The following TLCD3A variants were observed in gnomAD, a reference collection of about 807,000 sequenced individuals.
The protein encoded by TLCD3A is TLC domain-containing protein 3A.
Under a neutral mutation model 29.9 loss-of-function variants are expected in TLCD3A, and 17 were observed. That is an observed-to-expected ratio of 0.57 (90% CI 0.39 to 0.85). The LOEUF is 0.85. TLCD3A is among the 40% of genes least tolerant of loss of function. The pLI is 0.00. For synonymous variants in TLCD3A, 143 were observed against 147.7 expected (o/e 0.97, Z 0.23); for missense variants, 332 against 350.8 (o/e 0.95, Z 0.43).
rs1331726471 is a variant in TLCD3A at position 741,401 on chromosome 17, C to T, written c.605C>T (p.Ser202Phe). 6 of 1,614,232 alleles carry T rather than the reference C, an allele frequency of 3.7e-6. No individual in the cohort carries two copies. The South Asian group carries it at 4.4e-5, about 12-fold the overall frequency. The change falls in exon 5 of 5, where the codon TCC (serine) becomes TTC (phenylalanine). Residue 202 changes from serine (S) to phenylalanine (F), a missense_variant. Ser to Phe is a radical substitution (Grantham distance 155). Coordinates refer to ENST00000308278, the MANE Select transcript of TLCD3A (RefSeq NM_024792.3). ...CTTCTCTTCCCCTTCATGTACTGGT[C>T]CTATGGCCGCCAGCAGGGACTAAGC... ...RILLFPFMYW[S>F]YGRQQGLSLL...
rs150045731 is a variant in TLCD3A, at chr17:736,869, G to A, written c.207-977G>A. ...CGGGGTTTCACAATGTTGATAAGGC[G>A]AGTATCGAACTGCTGACCTTGTGAT... is the stretch of plus-strand genomic sequence containing the variant. On this transcript the variant is annotated intron_variant, in intron 2 of 4. Transcript: ENST00000308278. Among the ~76,000 whole-genome samples, 741 of 151,808 alleles carry A rather than the reference G, an allele frequency of 4.9e-3. 2 individuals are homozygous for A. The highest frequency in any genetic ancestry group is 6.8e-3 in the Non-Finnish European group (460 of 67,944).
intron 3 of TLCD3A, 74 bp from the exon 4 acceptor site, chr17:740,431 G>T: frequency 1.8e-6 from 2 of 1,083,750 alleles, no homozygotes; most frequent in South Asian, 2.5e-5. Flanking sequence ...CTTTTCAGTA[G>T]CCCTCGTTGG....
At chr17:740,633 G>A (rs1186416365) in intron 4 of TLCD3A, 33 bp downstream of exon 4, 2 of 1,586,816 alleles carry the variant, frequency 1.3e-6, no homozygotes, top group South Asian at 1.1e-5. Flanking sequence ...AGAGTGTGAG[G>A]GTTCTGATTC....
At chr17:732,938 G>A (rs1456528447) in intron 1 of TLCD3A, 160 bp from the exon 2 acceptor site, 25 of 1,387,852 alleles carry the variant, frequency 1.8e-5, no homozygotes, top group Middle Eastern at 2.5e-4. Flanking sequence ...TCCCCTGGCG[G>A]GAGCGGGGCC....
At chr17:735,878 G>A (rs776407645) in intron 2 of TLCD3A, among the ~76,000 whole-genome samples, 5 of 151,498 alleles carry the variant, frequency 3.3e-5, no homozygotes, top group African/African-American at 7.3e-5. Flanking sequence ...GGGAGGCTGC[G>A]GCAGGAGAAT....
intron 2 of TLCD3A, 86 bp from the exon 3 acceptor site, chr17:737,760 A>T: frequency 8.4e-7 from 1 of 1,187,672 alleles, no homozygotes. Flanking sequence ...GAATAATAAT[A>T]GCTGATCAAG....
intron 2 of TLCD3A, among the ~76,000 whole-genome samples, chr17:735,835 C>T (rs1339815738): frequency 6.6e-6 from 1 of 151,596 alleles, no homozygotes; most frequent in African/African-American, 2.4e-5. Flanking sequence ...AATAGCCGGA[C>T]GTGGCGGCAG....
chr17:742,612 G>T lies in TLCD3A; in HGVS notation c.*1042G>T, dbSNP rs967114298. 1.3e-5 allele frequency: 2 copies of T among 152,378 alleles called. No homozygotes were observed. Among genetic ancestry groups the T allele is most frequent in the African/African-American group, 4.8e-5 (2 of 41,460 alleles). 9.4% of individuals were successfully genotyped at this position (152,378 alleles called of 1,614,324 possible). On this transcript the variant is annotated 3_prime_UTR_variant, in exon 5 of 5. Transcript: ENST00000308278. The stretch of plus-strand genomic sequence containing the variant: ...TGCCATTTAGCCACAGAAGGCTGCG[G>T]AGTGAGGCGGCAGCTAGCCTGGCCA...
chr17:734,769 T>G (rs1233363945), intron 2 of TLCD3A, among the ~76,000 whole-genome samples: 1 of 152,196 alleles, frequency 6.6e-6, no homozygotes, highest in Non-Finnish European at 1.5e-5. Flanking sequence ...AAGGATTTAG[T>G]CAGATTCTTA....
chr17:736,916 A>T (rs1364589397), intron 2 of TLCD3A, among the ~76,000 whole-genome samples: 3 of 152,036 alleles, frequency 2.0e-5, no homozygotes, highest in African/African-American at 7.2e-5. Flanking sequence ...GGCCTCCCAA[A>T]GTGCTGGGAT....
In TLCD3A at chr17:741,640, G is replaced by C; in HGVS notation, c.*70G>C. The C allele has an allele frequency of 6.4e-7, 1 of 1,560,828 alleles. No individual in the cohort carries two copies. The highest frequency in any genetic ancestry group is 1.3e-5 in the African/African-American group (1 of 74,080). On this transcript the variant is annotated 3_prime_UTR_variant, in exon 5 of 5. Transcript: ENST00000308278. ...CACTCAGCATTCCATGGACCAAATT[G>C]TGCCCTGGGTAGCCTCAGACTTTGG...
At chr17:736,665 G>A (rs1252828960) in intron 2 of TLCD3A, among the ~76,000 whole-genome samples, 1 of 152,094 alleles carries the variant, frequency 6.6e-6, no homozygotes, top group African/African-American at 2.4e-5. Flanking sequence ...TGTGTTTTGT[G>A]TGTTTTTTGA....
At chr17:734,054 T>G (rs1429681490) in intron 2 of TLCD3A, among the ~76,000 whole-genome samples, 2 of 152,222 alleles carry the variant, frequency 1.3e-5, no homozygotes, top group South Asian at 4.1e-4. Flanking sequence ...TTTGTGCTTT[T>G]CTTCTGCCTT....
In TLCD3A at chr17:734,173, TTTCTTC is replaced by T. The variant is rs202147015; in HGVS notation, c.206+1007_206+1012del. On this transcript the variant is annotated intron_variant, in intron 2 of 4. Transcript: ENST00000308278. ...AATATTGGTGTGGCTGGGTACAATT[TTTCTTC>T]TTCTTCTTCTTCTTTTTTTTTTAAA... 3.4e-3 allele frequency among the ~76,000 whole-genome samples: 489 copies of T among 143,476 alleles called. 4 individuals carry two copies. The highest frequency in any genetic ancestry group is 0.033 in the East Asian group (154 of 4,616). 94.1% of individuals were successfully genotyped at this position (143,476 alleles called of 152,430 possible).
chr17:735,901 C>T (rs550830540), intron 2 of TLCD3A, among the ~76,000 whole-genome samples: 1 of 148,728 alleles, frequency 6.7e-6, no homozygotes, highest in East Asian at 2.0e-4. Context: ...TTTGAACCCA[C>T]GAGTCAGAGG....
At position 735,786 on chromosome 17, in the gene TLCD3A, G is replaced by C. The variant is rs369816871; in HGVS notation, c.207-2060G>C. ...TTGAGACCAGTCTGGCCAACATGGT[G>C]AAACCCCCATCGCTACTTAAAAAGA... On this transcript the variant is annotated intron_variant, in intron 2 of 4. Coordinates refer to ENST00000308278, the MANE Select transcript of TLCD3A (RefSeq NM_024792.3). Among the ~76,000 whole-genome samples the C allele has an allele frequency of 1.3e-4, 19 of 151,544 alleles. No homozygotes were observed. The East Asian group carries it at 2.5e-3, about 20-fold the overall frequency.
chr17:733,279 G>A, intron 2 of TLCD3A, 98 bp downstream of exon 2: 30 of 1,184,094 alleles, frequency 2.5e-5, no homozygotes, highest in Non-Finnish European at 3.3e-5. Context: ...CTGACTAATG[G>A]GAAAAGCTGG....
At chr17:732,874 G>A (rs1312015251) in intron 1 of TLCD3A, 105 bp downstream of exon 1, 1 of 1,379,568 alleles carries the variant, frequency 7.2e-7, no homozygotes, top group Non-Finnish European at 9.3e-7. Flanking sequence ...GGAAGCCCGG[G>A]GGCTGCTCCC....
At chr17:739,184 T>TA (rs60889460) in intron 3 of TLCD3A, among the ~76,000 whole-genome samples, 3 of 151,734 alleles carry the variant, frequency 2.0e-5, no homozygotes, top group African/African-American at 7.3e-5. Context: ...TTTTTTTTTT[T>TA]AATTATTCAT....
Sources: allele counts gnomAD v4.1 joint callset (sites outside exome capture counted in the v4.1 genomes callset), GRCh38; gene constraint gnomAD v4.1.1; transcripts MANE v1.5; gene names NCBI Gene and HGNC (gene_info 2026-07-23, HGNC 2026-07-21).